Variants in TOM1L1 observed in about 807,000 individuals in gnomAD.
TOM1L1 encodes target of myb1 like 1 membrane trafficking protein.
Under a neutral mutation model 63.4 loss-of-function variants are expected in TOM1L1, and 64 were observed. The observed-to-expected ratio is 1.01, with a 90% CI of 0.83 to 1.24. The LOEUF (loss-of-function observed/expected upper bound fraction) is 1.24. TOM1L1 is among the 50% of genes most tolerant of loss of function. TOM1L1 has a pLI of 0.00. For missense variants in TOM1L1, 536 were observed against 567.0 expected, an observed-to-expected ratio of 0.95 and a Z score of 0.55; for synonymous variants, 166 against 194.4, an observed-to-expected ratio of 0.85 and a Z score of 1.22.
intron 7 of TOM1L1, among the ~76,000 whole-genome samples, chr17:54,926,639 T>A (rs1476677420): frequency 1.7e-5 from 2 of 120,086 alleles, no homozygotes; most frequent in African/African-American, 7.8e-5. Context: ...TTGTAACCAG[T>A]TGAAAAAAAA....
At chr17:54,942,337 G>A (rs957328483) in intron 11 of TOM1L1, 3 of 149,884 alleles carry the variant, frequency 2.0e-5, no homozygotes, top group Non-Finnish European at 3.0e-5. Flanking sequence ...TCAAACTCCT[G>A]ACCTACGGTG....
intron 7 of TOM1L1, among the ~76,000 whole-genome samples, chr17:54,924,753 A>G (rs1296662071): frequency 1.3e-5 from 2 of 151,210 alleles, no homozygotes; most frequent in Non-Finnish European, 3.0e-5. Context: ...CATTCAGTAA[A>G]CAGGCTTAAT....
intron 1 of TOM1L1, among the ~76,000 whole-genome samples, chr17:54,902,951 T>C (rs530161626): frequency 2.0e-5 from 3 of 152,312 alleles, no homozygotes; most frequent in Admixed American, 2.0e-4. Context: ...CAGCGCCAGT[T>C]TGAAATAATT....
intron 2 of TOM1L1, 94 bp downstream of exon 2, chr17:54,903,886 G>C: frequency 1.7e-6 from 2 of 1,163,044 alleles, no homozygotes; most frequent in Non-Finnish European, 2.5e-6. Flanking sequence ...TTTTGTTGTT[G>C]AAAGAGTGTT....
chr17:54,911,420 G>A lies in TOM1L1; in HGVS notation c.223-1246G>A, dbSNP rs145459153. On this transcript the variant is annotated intron_variant, in intron 3 of 15. Transcript: ENST00000575882. ...CTTCACTCTCTTGAACTATAGCTGT[G>A]TGTGTCCAGCTCACTGCTAAACACC... 6.6e-5 allele frequency among the ~76,000 whole-genome samples: 10 copies of A among 152,110 alleles called. 1 individual carries two copies.
intron 7 of TOM1L1, 175 bp downstream of exon 7, chr17:54,916,037 A>G (rs1302696027): frequency 4.0e-6 from 2 of 499,230 alleles, no homozygotes; most frequent in Non-Finnish European, 7.0e-6. Context: ...TCAGAAATGC[A>G]GTAGTAACTT....
At chr17:54,940,825 G>A (rs762685080) in intron 11 of TOM1L1, among the ~76,000 whole-genome samples, 1 of 152,060 alleles carries the variant, frequency 6.6e-6, no homozygotes, top group Non-Finnish European at 1.5e-5. Context: ...TGAAAGAGTG[G>A]TTACGTAAGT....
At chr17:54,958,871 T>C (rs2077031901) in intron 14 of TOM1L1, among the ~76,000 whole-genome samples, 1 of 151,926 alleles carries the variant, frequency 6.6e-6, no homozygotes. Flanking sequence ...TGTTGAAGAA[T>C]AGGATCTGGC....
In TOM1L1 at chr17:54,961,906, T is replaced by C. The variant is rs1421148528; in HGVS notation, c.*673T>C. On this transcript the variant is annotated 3_prime_UTR_variant, in exon 16 of 16. Coordinates refer to ENST00000575882, the MANE Select transcript of TOM1L1 (RefSeq NM_005486.3). ...CTATTTAGAACACAGAAAATGAAAA[T>C]ATTTAGAATAAGTTGTACATTTGAT... is the stretch of plus-strand genomic sequence containing the variant. 1 of 903,340 alleles carries C rather than the reference T, an allele frequency of 1.1e-6. No homozygotes were observed. Among genetic ancestry groups the C allele is most frequent in the Non-Finnish European group, 1.3e-6 (1 of 754,874 alleles). The allele number at this position is 903,340 out of a possible 1,614,324, so 56.0% of individuals were successfully genotyped here. A position where few individuals can be genotyped will look rare whatever the true frequency, so the allele number is the denominator to read the frequency against.
At position 54,913,728 on chromosome 17, in the gene TOM1L1, T is replaced by A; in HGVS notation, c.373-20T>A. On this transcript the variant is annotated intron_variant, in intron 4 of 15. Coordinates refer to ENST00000575882, the MANE Select transcript of TOM1L1 (RefSeq NM_005486.3). ...TGTTGCTGTTTTAACTCTGGAACTT[T>A]TTTCATCTCTTGAATTCAGACTTGG... The A allele has an allele frequency of 6.3e-7, 1 of 1,592,460 alleles. No homozygotes were observed. Among genetic ancestry groups the A allele is most frequent in the African/African-American group, 1.4e-5 (1 of 73,690 alleles).
intron 12 of TOM1L1, among the ~76,000 whole-genome samples, chr17:54,948,254 G>A (rs1297673788): frequency 6.6e-6 from 1 of 151,750 alleles, no homozygotes; most frequent in African/African-American, 2.4e-5. Context: ...CTCATAATCT[G>A]TTCTCAAAAC....
At chr17:54,904,947 T>C (rs769450384) in intron 2 of TOM1L1, among the ~76,000 whole-genome samples, 4 of 152,234 alleles carry the variant, frequency 2.6e-5, no homozygotes, top group Non-Finnish European at 5.9e-5. Flanking sequence ...TCTGGGAACA[T>C]TTTCATTGAT....
intron 10 of TOM1L1, chr17:54,938,148 A>C (rs978040853): frequency 6.6e-6 from 1 of 152,238 alleles, no homozygotes; most frequent in South Asian, 2.1e-4. Flanking sequence ...TTTTTAATTG[A>C]GAATTTTCAG....
rs1027536432 is a variant in TOM1L1, at chr17:54,929,943, A to G, written c.721-130A>G. The G allele has an allele frequency of 1.3e-5, 14 of 1,056,194 alleles. No individual in the cohort carries two copies. In the South Asian group the frequency reaches 2.2e-4, roughly 16 times the overall value. The allele number at this position is 1,056,194 out of a possible 1,614,324, so 65.4% of individuals were successfully genotyped here. A position where few individuals can be genotyped will look rare whatever the true frequency, so the allele number is the denominator to read the frequency against. ...AGGAAGGATAAGCTGTTTATAGTTAAGTACTTTGGTAGTGCCCCACAGGCT... is the reference window on the plus strand; with the variant it reads ...AGGAAGGATAAGCTGTTTATAGTTAGGTACTTTGGTAGTGCCCCACAGGCT... On this transcript the variant is annotated intron_variant, in intron 7 of 15. Coordinates refer to ENST00000575882, the MANE Select transcript of TOM1L1 (RefSeq NM_005486.3).
chr17:54,902,548 C>T (rs752269145), intron 1 of TOM1L1, among the ~76,000 whole-genome samples: 32 of 152,346 alleles, frequency 2.1e-4, no homozygotes, highest in Non-Finnish European at 4.0e-4. Flanking sequence ...CCTCGGCCTC[C>T]CAAAGTGATT....
chr17:54,915,676 A>T (rs532657783), intron 6 of TOM1L1, 70 bp from the exon 7 acceptor site: 20 of 1,078,390 alleles, frequency 1.9e-5, no homozygotes, highest in Admixed American at 8.2e-5. Context: ...CAAATGTCCC[A>T]TGGGGGCAGG....
At chr17:54,921,507 A>G (rs1189453695) in intron 7 of TOM1L1, among the ~76,000 whole-genome samples, 2 of 152,140 alleles carry the variant, frequency 1.3e-5, no homozygotes, top group East Asian at 1.9e-4. Context: ...TGAGAGGCCA[A>G]GGCGGGTGGA....
chr17:54,961,841 A>G lies in TOM1L1; in HGVS notation c.*608A>G, dbSNP rs895769422. Reference sequence around the variant, plus strand: ...TTTAAATATGATTCTTTGTAATGCTAAATAGCCTTTTTTTCTCTTTTTACT... The same window carrying G: ...TTTAAATATGATTCTTTGTAATGCTGAATAGCCTTTTTTTCTCTTTTTACT... On this transcript the variant is annotated 3_prime_UTR_variant, in exon 16 of 16. Transcript: ENST00000575882. 1 of 980,828 alleles carries G rather than the reference A, an allele frequency of 1.0e-6. No individual in the cohort carries two copies. The highest frequency in any genetic ancestry group is 1.2e-6 in the Non-Finnish European group (1 of 825,496). The allele number at this position is 980,828 out of a possible 1,614,324, so 60.8% of individuals were successfully genotyped here. A position where few individuals can be genotyped will look rare whatever the true frequency, so the allele number is the denominator to read the frequency against.
chr17:54,905,635 G>C (rs1449233249), intron 3 of TOM1L1, 68 bp downstream of exon 3: 4 of 1,046,790 alleles, frequency 3.8e-6, no homozygotes, highest in Non-Finnish European at 5.7e-6. Flanking sequence ...TTTAATCCTG[G>C]GTAAAAAATA....
Sources: allele counts gnomAD v4.1 joint callset (sites outside exome capture counted in the v4.1 genomes callset), GRCh38; gene constraint gnomAD v4.1.1; transcripts MANE v1.5; gene names NCBI Gene and HGNC (gene_info 2026-07-23, HGNC 2026-07-21).